Variants in WRN observed in about 807,000 individuals in gnomAD.
The protein encoded by WRN is bifunctional 3'-5' exonuclease/ATP-dependent helicase WRN.
WRN carries 149 observed loss-of-function variants against 180.7 expected under a neutral mutation model. That is an observed-to-expected ratio of 0.82 (90% CI 0.72 to 0.94). The LOEUF is 0.94. WRN is among the 40% of genes least tolerant of loss of function. WRN has a pLI of 0.00. For missense variants in WRN, 1,661 were observed against 1,700.1 expected, an observed-to-expected ratio of 0.98 and a Z score of 0.40; for synonymous variants, 548 against 568.9, an observed-to-expected ratio of 0.96 and a Z score of 0.52.
At chr8:31,136,010 T>A (rs1436550611) in intron 24 of WRN, among the ~76,000 whole-genome samples, 2 of 152,156 alleles carry the variant, frequency 1.3e-5, no homozygotes, top group Admixed American at 1.3e-4. Context: ...TCCACCTGGT[T>A]TATAAAGGGA....
At chr8:31,052,395 T>C (rs1013092646) in intron 1 of WRN, among the ~76,000 whole-genome samples, 6 of 152,108 alleles carry the variant, frequency 3.9e-5, no homozygotes, top group Non-Finnish European at 8.8e-5. Context: ...AATTAGAGTC[T>C]AATTTTTTTT....
rs1813722321 is a variant in WRN at position 31,090,888 on chromosome 8, G to T, written c.1775G>T (p.Gly592Val). The change falls in exon 15 of 35, where the codon GGC (glycine) becomes GTC (valine). Residue 592 changes from glycine (G) to valine (V), a missense_variant. Gly to Val is a moderately radical substitution (Grantham distance 109). Coordinates refer to ENST00000298139, the MANE Select transcript of WRN (RefSeq NM_000553.6). ...QYPPVYVGKIGLVISPLISLM... is the reference protein window; with the variant it reads ...QYPPVYVGKIVLVISPLISLM... Reference sequence around the variant, plus strand: ...CCACCTGTTTATGTAGGCAAGATTGGCCTTGTTATCTCTCCCCTTATTTCT... The same window carrying T: ...CCACCTGTTTATGTAGGCAAGATTGTCCTTGTTATCTCTCCCCTTATTTCT... The T allele has an allele frequency of 1.9e-6, 3 of 1,612,648 alleles. No individual in the cohort carries two copies. Among genetic ancestry groups the T allele is most frequent in the African/African-American group, 2.7e-5 (2 of 74,742 alleles).
At chr8:31,053,703 C>T (rs1023562013) in intron 1 of WRN, among the ~76,000 whole-genome samples, 4 of 152,086 alleles carry the variant, frequency 2.6e-5, no homozygotes, top group Non-Finnish European at 5.9e-5. Context: ...AGGTATATGA[C>T]AGAGTTTATG....
intron 11 of WRN, 70 bp downstream of exon 11, chr8:31,085,316 A>G (rs1267097374): frequency 6.5e-7 from 1 of 1,537,038 alleles, no homozygotes; most frequent in Non-Finnish European, 9.0e-7. Flanking sequence ...TAAAATATTA[A>G]CTAATTCTAA....
At chr8:31,047,878 G>C (rs1811929262) in intron 1 of WRN, among the ~76,000 whole-genome samples, 1 of 152,162 alleles carries the variant, frequency 6.6e-6, no homozygotes, top group African/African-American at 2.4e-5. Context: ...CAGTTATAAA[G>C]CACTTCGCTG....
At chr8:31,036,612 A>C (rs1446718914) in intron 1 of WRN, among the ~76,000 whole-genome samples, 1 of 152,172 alleles carries the variant, frequency 6.6e-6, no homozygotes, top group Non-Finnish European at 1.5e-5. Flanking sequence ...ATTGATGAGC[A>C]ATGTTTCATA....
Position 31,134,508 on chromosome 8 carries a change from A to C in WRN, c.2967+2002A>C, listed in dbSNP as rs77629603. 2.8e-3 allele frequency among the ~76,000 whole-genome samples: 425 copies of C among 152,350 alleles called. 4 individuals carry two copies. The highest frequency in any genetic ancestry group is 4.9e-3 in the Non-Finnish European group (330 of 68,014). On this transcript the variant is annotated intron_variant, in intron 24 of 34. Transcript: ENST00000298139. ...AATTAAACAGTGAAGTTATTACTTAAGGAACTTCGTTTTAGCTGTCTGAAC... is the reference window on the plus strand; with the variant it reads ...AATTAAACAGTGAAGTTATTACTTACGGAACTTCGTTTTAGCTGTCTGAAC...
At chr8:31,123,802 G>A (rs569528317) in intron 21 of WRN, among the ~76,000 whole-genome samples, 1 of 152,042 alleles carries the variant, frequency 6.6e-6, no homozygotes, top group Non-Finnish European at 1.5e-5. Flanking sequence ...TCTGATATTT[G>A]ATATTCATGG....
intron 20 of WRN, 105 bp downstream of exon 20, chr8:31,116,633 C>T (rs570477719): frequency 7.5e-6 from 11 of 1,469,770 alleles, no homozygotes; most frequent in South Asian, 2.3e-5. Flanking sequence ...TTGTGTTGAA[C>T]ATAAAGCAGT....
chr8:31,157,386 A>G lies in WRN; in HGVS notation c.3838A>G (p.Arg1280Gly), dbSNP rs753619197. ...KMPLKSIAES[R>G]ILPLMTIGMH... ...TCTCTAGAAGAGCATAGCTGAGAGC[A>G]GGATTCTGCCTCTCATGACAATTGG... The change falls in exon 33 of 35, where the codon AGG becomes GGG. Residue 1280 changes from arginine (R) to glycine (G), a missense_variant. This residue lies in a region of WRN where 1,141 missense variants were observed against 1,149.4 expected (regional missense o/e 0.99). Coordinates refer to ENST00000298139, the MANE Select transcript of WRN (RefSeq NM_000553.6). 2.5e-6 allele frequency: 4 copies of G among 1,614,082 alleles called. No individual in the cohort carries two copies. The highest frequency in any genetic ancestry group is 2.5e-6 in the Non-Finnish European group (3 of 1,180,020).
At chr8:31,151,064 G>A (rs1803105213) in intron 31 of WRN, among the ~76,000 whole-genome samples, 1 of 152,176 alleles carries the variant, frequency 6.6e-6, no homozygotes, top group African/African-American at 2.4e-5. Flanking sequence ...GGGAGGTAGA[G>A]GGGAGACTAC....
intron 11 of WRN, among the ~76,000 whole-genome samples, chr8:31,086,221 GA>G (rs1226592290): frequency 6.6e-6 from 1 of 151,948 alleles, no homozygotes. Context: ...TTTATGAAAT[GA>G]GATTAATTTA....
At chr8:31,097,379 C>T (rs1455058702) in intron 17 of WRN, among the ~76,000 whole-genome samples, 1 of 152,114 alleles carries the variant, frequency 6.6e-6, no homozygotes, top group African/African-American at 2.4e-5. Flanking sequence ...TGGGTTGGCA[C>T]CTGGCATTGG....
rs372795551 is a variant in WRN, at chr8:31,111,697, A to G, written c.2171A>G (p.Gln724Arg). 1.2e-6 allele frequency: 2 copies of G among 1,614,002 alleles called. No individual in the cohort carries two copies. Among genetic ancestry groups the G allele is most frequent in the African/African-American group, 2.7e-5 (2 of 74,936 alleles). The change falls in exon 19 of 35, where the codon CAG (glutamine) becomes CGG (arginine). Residue 724 changes from glutamine (Q) to arginine (R), a missense_variant. By Grantham distance (43) the Gln-to-Arg change is conservative. Transcript: ENST00000298139. ...IVRCLNLRNP[Q>R]ITCTGFDRPN... ...CGTTGCTTAAATCTGAGAAATCCTCAGATCACCTGTACTGGTTTTGATCGA... is the reference window on the plus strand; with the variant it reads ...CGTTGCTTAAATCTGAGAAATCCTCGGATCACCTGTACTGGTTTTGATCGA...
Position 31,175,584 on chromosome 8 carries a change from ATTAC to A in WRN, c.*2485_*2488del, listed in dbSNP as rs1804250961. On this transcript the variant is annotated 3_prime_UTR_variant, in exon 35 of 35. Coordinates refer to ENST00000298139, the MANE Select transcript of WRN (RefSeq NM_000553.6). ...CACTGCAACTAATCTTTAAGAAACT[ATTAC>A]TTGTCCACTTTTTGGTAAAATTTCA... Among the ~76,000 whole-genome samples the A allele has an allele frequency of 6.6e-6, 1 of 152,236 alleles. No homozygotes were observed.
chr8:31,111,461 G>T (rs1419501235), intron 18 of WRN, among the ~76,000 whole-genome samples, 154 bp from the exon 19 acceptor site: 1 of 152,132 alleles, frequency 6.6e-6, no homozygotes, highest in African/African-American at 2.4e-5. Flanking sequence ...CAAGTTAGTA[G>T]GGAGATTTTT....
At position 31,167,214 on chromosome 8, in the gene WRN, T is replaced by C. The variant is rs2130515437; in HGVS notation, c.4175T>C (p.Val1392Ala). The C allele has an allele frequency of 6.2e-7, 1 of 1,612,850 alleles. No homozygotes were observed. Among genetic ancestry groups the C allele is most frequent in the South Asian group, 1.1e-5 (1 of 91,004 alleles). Residue 1392 changes from valine (V) to alanine (A), a missense_variant, in exon 34 of 35, where the codon GTA becomes GCA. Val to Ala is a moderately conservative substitution (Grantham distance 64, BLOSUM62 0). Transcript: ENST00000298139. ...CSSSKRSKEE[V>A]GINTETSSAE... ...AGTTCTAAGAGAAGCAAGGAAGAAG[T>C]AGGCATCAATACTGAGGTATTAATT...
chr8:31,140,824 C>T (rs762789176), intron 24 of WRN, among the ~76,000 whole-genome samples: 5 of 151,908 alleles, frequency 3.3e-5, no homozygotes, highest in Non-Finnish European at 2.9e-5. Flanking sequence ...GGCGTGATCT[C>T]GGCTCACTGC....
intron 30 of WRN, among the ~76,000 whole-genome samples, chr8:31,147,776 T>G (rs1292102233): frequency 6.6e-6 from 1 of 152,198 alleles, no homozygotes; most frequent in East Asian, 1.9e-4. Context: ...TATTTTTGAT[T>G]ATCTTACCAT....
Sources: allele counts gnomAD v4.1 joint callset (sites outside exome capture counted in the v4.1 genomes callset), GRCh38; gene constraint gnomAD v4.1.1; regional missense constraint gnomAD v4.1.1; transcripts MANE v1.5; gene names NCBI Gene and HGNC (gene_info 2026-07-23, HGNC 2026-07-21).